Variants in GLI2 observed in about 807,000 individuals in gnomAD.
GLI2 encodes GLI family zinc finger 2.
Under a neutral mutation model 78.9 loss-of-function variants are expected in GLI2, and 22 were observed. The ratio of observed to expected loss-of-function variants is 0.28; its 90% CI spans 0.20 to 0.40. The LOEUF (loss-of-function observed/expected upper bound fraction) is 0.40, where lower values mean the gene tolerates loss of function less well. Among genes scored for constraint, GLI2 ranks in the 10% least tolerant of loss-of-function variants. GLI2 has a pLI of 1.00. For synonymous variants in GLI2, 974 were observed against 963.7 expected, an observed-to-expected ratio of 1.01 and a Z score of -0.20; for missense variants, 2,097 against 2,213.2, an observed-to-expected ratio of 0.95 and a Z score of 1.05.
intron 2 of GLI2, among the ~76,000 whole-genome samples, chr2:120,859,734 C>A (rs559563104): frequency 5.9e-4 from 89 of 151,322 alleles, no homozygotes; most frequent in Non-Finnish European, 4.0e-4. Flanking sequence ...GGATTACAGG[C>A]GTGAGCCATC....
intron 2 of GLI2, among the ~76,000 whole-genome samples, chr2:120,869,784 TAAGG>T (rs1338517056): frequency 6.6e-6 from 1 of 152,068 alleles, no homozygotes; most frequent in East Asian, 1.9e-4. Flanking sequence ...CTCAGGGTAC[TAAGG>T]AAGGAAGGAA....
intron 2 of GLI2, among the ~76,000 whole-genome samples, chr2:120,857,583 A>T (rs1260351170): frequency 1.5e-5 from 2 of 136,860 alleles, no homozygotes; most frequent in Admixed American, 7.5e-5. Flanking sequence ...CCACCCACCC[A>T]TTAACTGATC....
chr2:120,984,652 C>CT lies in GLI2; in HGVS notation c.1815dup (p.Gly606TrpfsTer56). On this transcript the variant is annotated frameshift_variant, in exon 12 of 14. Coordinates refer to ENST00000361492, the MANE Select transcript of GLI2 (RefSeq NM_001374353.1). LOFTEE classifies it high-confidence loss of function. Reference sequence around the variant, plus strand: ...GGGGACAGTGAGGCCGGCACGGAGCCTGGCGGCCCAGAGAGCACCGAGGCC... The same window carrying CT: ...GGGGACAGTGAGGCCGGCACGGAGCCTTGGCGGCCCAGAGAGCACCGAGGCC... 1 of 1,614,040 alleles carries CT rather than the reference C, an allele frequency of 6.2e-7. No individual in the cohort carries two copies.
At chr2:120,742,197 G>A (rs1319778340) in intron 1 of GLI2, among the ~76,000 whole-genome samples, 3 of 152,154 alleles carry the variant, frequency 2.0e-5, no homozygotes. Flanking sequence ...TTCTGCCCTT[G>A]TCCACTCCCG....
intron 2 of GLI2, among the ~76,000 whole-genome samples, chr2:120,859,543 C>T (rs1443754798): frequency 2.0e-5 from 3 of 151,242 alleles, no homozygotes; most frequent in African/African-American, 4.9e-5. Context: ...CAACCTCTGC[C>T]TCCCGGGTTC....
chr2:120,931,718 T>A (rs1305027161), intron 3 of GLI2, among the ~76,000 whole-genome samples: 1 of 152,162 alleles, frequency 6.6e-6, no homozygotes, highest in Non-Finnish European at 1.5e-5. Context: ...ATCTTGCAGA[T>A]GCAGACATTG....
intron 1 of GLI2, among the ~76,000 whole-genome samples, chr2:120,793,486 A>G (rs972043762): frequency 3.3e-5 from 5 of 152,206 alleles, no homozygotes; most frequent in African/African-American, 1.2e-4. Flanking sequence ...GGCCTGCCTC[A>G]GATGAGCTTT....
At chr2:120,941,903 G>C (rs913204994) in intron 3 of GLI2, among the ~76,000 whole-genome samples, 9 of 152,146 alleles carry the variant, frequency 5.9e-5, no homozygotes, top group Non-Finnish European at 8.8e-5. Context: ...AATCCAGGCG[G>C]CAGGGGGGAA....
intron 2 of GLI2, among the ~76,000 whole-genome samples, chr2:120,870,468 A>G (rs1688369532): frequency 6.6e-6 from 1 of 152,108 alleles, no homozygotes; most frequent in Admixed American, 6.6e-5. Context: ...CAGGGGAGGA[A>G]ACTGAGTCCC....
intron 5 of GLI2, among the ~76,000 whole-genome samples, chr2:120,967,484 G>A (rs560159080): frequency 1.0e-3 from 153 of 152,318 alleles, no homozygotes; most frequent in Admixed American, 3.9e-3. Context: ...AATCCTGATG[G>A]GGGCACCGTG....
chr2:120,951,106 G>C, intron 3 of GLI2, 137 bp from the exon 4 acceptor site: 2 of 726,734 alleles, frequency 2.8e-6, no homozygotes, highest in Non-Finnish European at 5.1e-6. Context: ...GGGGAATGTC[G>C]GTGTAGCAAA....
chr2:120,944,924 G>A (rs1680635051), intron 3 of GLI2, among the ~76,000 whole-genome samples: 1 of 152,278 alleles, frequency 6.6e-6, no homozygotes. Flanking sequence ...CAGCCATGCA[G>A]TGACACCTCA....
chr2:120,893,033 G>C (rs923065237), intron 2 of GLI2, among the ~76,000 whole-genome samples: 2 of 152,196 alleles, frequency 1.3e-5, no homozygotes, highest in African/African-American at 4.8e-5. Context: ...TGAAATGTGG[G>C]CCATGACCCC....
chr2:120,974,518 G>A (rs1682351319), intron 8 of GLI2, among the ~76,000 whole-genome samples: 1 of 152,188 alleles, frequency 6.6e-6, no homozygotes, highest in Non-Finnish European at 1.5e-5. Flanking sequence ...GGGCCCTAAT[G>A]TGGTCAGGGG....
chr2:120,805,705 C>T (rs189395873), intron 2 of GLI2, among the ~76,000 whole-genome samples: 83 of 152,294 alleles, frequency 5.4e-4, no homozygotes, highest in African/African-American at 1.9e-3. Context: ...CTCAACCTGG[C>T]CCTCCTCCTG....
intron 2 of GLI2, among the ~76,000 whole-genome samples, chr2:120,862,059 TTTTCTTCCTC>T (rs1344716260): frequency 1.3e-5 from 2 of 152,210 alleles, no homozygotes; most frequent in African/African-American, 4.8e-5. Context: ...TGTGTGAGTC[TTTTCTTCCTC>T]TTTCTTCCTG....
intron 5 of GLI2, among the ~76,000 whole-genome samples, chr2:120,959,199 C>T (rs1400570653): frequency 6.6e-6 from 1 of 152,166 alleles, no homozygotes; most frequent in Non-Finnish European, 1.5e-5. Context: ...CCTCCAGCAG[C>T]TGCTGGTTAA....
At chr2:120,983,152 A>G (rs1041625974) in intron 11 of GLI2, among the ~76,000 whole-genome samples, 5 of 152,096 alleles carry the variant, frequency 3.3e-5, no homozygotes, top group Non-Finnish European at 5.9e-5. Flanking sequence ...TATCTCCATA[A>G]TAAATATAAT....
At chr2:120,967,103 G>A (rs1234212405) in intron 5 of GLI2, among the ~76,000 whole-genome samples, 1 of 152,212 alleles carries the variant, frequency 6.6e-6, no homozygotes, top group African/African-American at 2.4e-5. Context: ...GCACAGACAT[G>A]AGTGTGCTTG....
Sources: gnomAD v4.1 joint callset for allele counts (sites outside exome capture counted in the v4.1 genomes callset) on GRCh38, gnomAD v4.1.1 for gene constraint, MANE v1.5 for transcripts, NCBI Gene and HGNC (gene_info 2026-07-23, HGNC 2026-07-21) for gene names.